ADCY5: variants seen among roughly 807,000 people sequenced by gnomAD.
ADCY5 encodes adenylate cyclase type 5.
ADCY5 carries 30 observed loss-of-function variants against 119.7 expected under a neutral mutation model. The ratio of observed to expected loss-of-function variants is 0.25; its 90% CI spans 0.19 to 0.34. The LOEUF (loss-of-function observed/expected upper bound fraction) is 0.34, where lower values mean the gene tolerates loss of function less well. Among genes scored for constraint, ADCY5 ranks in the 10% least tolerant of loss-of-function variants. The pLI is 1.00. For missense variants in ADCY5, 1,324 were observed against 1,775.2 expected (o/e 0.75, Z 4.57); for synonymous variants, 753 against 762.2 (o/e 0.99, Z 0.20).
chr3:123,438,399 G>A (rs568101917), intron 1 of ADCY5, among the ~76,000 whole-genome samples: 2 of 152,140 alleles, frequency 1.3e-5, no homozygotes, highest in East Asian at 1.9e-4. Context: ...TTTGCTTTCC[G>A]CGGTTTCAGT....
At chr3:123,423,958 T>G (rs1438742781) in intron 1 of ADCY5, among the ~76,000 whole-genome samples, 1 of 152,208 alleles carries the variant, frequency 6.6e-6, no homozygotes, top group Non-Finnish European at 1.5e-5. Context: ...TTGGGCAGCC[T>G]ATGGCAGAAG....
chr3:123,391,378 C>T (rs730521), intron 1 of ADCY5, among the ~76,000 whole-genome samples: 9,831 of 152,152 alleles, frequency 0.065, 779 homozygotes, highest in East Asian at 0.25. Flanking sequence ...GTGCAGGGGA[C>T]GGCAAGTGCA....
intron 16 of ADCY5, chr3:123,297,148 G>A: frequency 1.4e-6 from 2 of 1,399,192 alleles, no homozygotes; most frequent in Middle Eastern, 1.8e-4. Flanking sequence ...AGATCACCTT[G>A]GCAGGGATCA....
chr3:123,423,221 C>T (rs777804071), intron 1 of ADCY5, among the ~76,000 whole-genome samples: 19 of 152,196 alleles, frequency 1.2e-4, no homozygotes, highest in Non-Finnish European at 2.4e-4. Context: ...CTCATGCCCA[C>T]GCTGGGCACG....
Position 123,331,091 on chromosome 3 carries a change from A to C in ADCY5, c.1519-75T>G, listed in dbSNP as rs6806529. On this transcript the variant is annotated intron_variant, in intron 4 of 20. Transcript: ENST00000462833. ...GGGAGGGAAAGAAACGAGAAGCAAA[A>C]AGATTCACCCCGTGCCTGGAATAAC... The C allele has an allele frequency of 0.59, 884,296 of 1,502,588 alleles. 264,806 individuals are homozygous for C. Among genetic ancestry groups the C allele is most frequent in the East Asian group, 0.97 (41,476 of 42,782 alleles). The allele number at this position is 1,502,588 out of a possible 1,614,324, so 93.1% of individuals were successfully genotyped here. A position where few individuals can be genotyped will look rare whatever the true frequency, so the allele number is the denominator to read the frequency against.
intron 1 of ADCY5, among the ~76,000 whole-genome samples, chr3:123,429,870 C>A (rs896814452): frequency 6.6e-6 from 1 of 152,206 alleles, no homozygotes; most frequent in Non-Finnish European, 1.5e-5. Flanking sequence ...CACGTCCAAC[C>A]CCAACTGTTC....
At chr3:123,324,106 G>A (rs1559805952) in intron 8 of ADCY5, among the ~76,000 whole-genome samples, 1 of 152,122 alleles carries the variant, frequency 6.6e-6, no homozygotes, top group Non-Finnish European at 1.5e-5. Context: ...GGGCCAAGAG[G>A]TGTCTCTACT....
intron 12 of ADCY5, 116 bp from the exon 13 acceptor site, chr3:123,304,299 G>A: frequency 1.4e-6 from 1 of 711,758 alleles, no homozygotes; most frequent in Non-Finnish European, 2.5e-6. Flanking sequence ...TCCCCAGCAT[G>A]ACCCCTGGGC....
chr3:123,419,251 A>C lies in ADCY5; in HGVS notation c.1134+28161T>G, dbSNP rs539116671. 1.1e-4 allele frequency: 111 copies of C among 980,872 alleles called. No homozygotes were observed. In the African/African-American group the frequency reaches 1.8e-3, roughly 16 times the overall value. 60.8% of individuals were successfully genotyped at this position (980,872 alleles called of 1,614,324 possible). A position where few individuals can be genotyped will look rare whatever the true frequency, so the allele number is the denominator to read the frequency against. On this transcript the variant is annotated intron_variant, in intron 1 of 20. Coordinates refer to ENST00000462833, the MANE Select transcript of ADCY5 (RefSeq NM_183357.3). ...GGTGGCACTCAAGGCCCTCCCCTCC[A>C]CGCGCCCCCACAGGCCAGGGAAGTG... is the stretch of plus-strand genomic sequence containing the variant.
chr3:123,283,975 G>C lies in ADCY5; in HGVS notation c.*633C>G, dbSNP rs1166814154. The C allele has an allele frequency of 6.6e-6, 1 of 152,204 alleles. No homozygotes were observed. Among genetic ancestry groups the C allele is most frequent in the Non-Finnish European group, 1.5e-5 (1 of 68,066 alleles). The allele number at this position is 152,204 out of a possible 1,614,324, so 9.4% of individuals were successfully genotyped here. A position where few individuals can be genotyped will look rare whatever the true frequency, so the allele number is the denominator to read the frequency against. Reference sequence around the variant, plus strand: ...TTTTATTTAATAAATATTTTTCTCAGAATCACCACTCCTTGCTTGGCGTCC... The same window carrying C: ...TTTTATTTAATAAATATTTTTCTCACAATCACCACTCCTTGCTTGGCGTCC... On this transcript the variant is annotated 3_prime_UTR_variant, in exon 21 of 21. Transcript: ENST00000462833.
At chr3:123,306,403 G>A (rs1267213261) in intron 12 of ADCY5, among the ~76,000 whole-genome samples, 1 of 152,136 alleles carries the variant, frequency 6.6e-6, no homozygotes, top group Non-Finnish European at 1.5e-5. Flanking sequence ...AAACTTAAAT[G>A]TAAAAGCCAA....
At chr3:123,413,826 A>T (rs983483466) in intron 1 of ADCY5, among the ~76,000 whole-genome samples, 1 of 152,000 alleles carries the variant, frequency 6.6e-6, no homozygotes, top group African/African-American at 2.4e-5. Flanking sequence ...TCCCTGAAGG[A>T]GCAAATGGCA....
chr3:123,285,087 C>A (rs1416211465), intron 20 of ADCY5, among the ~76,000 whole-genome samples: 2 of 152,196 alleles, frequency 1.3e-5, no homozygotes, highest in African/African-American at 4.8e-5. Flanking sequence ...GCTTTCAAAG[C>A]CATCTGACCT....
intron 1 of ADCY5, among the ~76,000 whole-genome samples, chr3:123,371,939 A>G (rs1943657392): frequency 6.6e-6 from 1 of 152,170 alleles, no homozygotes. Context: ...TGGGCAGGCG[A>G]AGTCCCTGGG....
At chr3:123,285,388 G>A (rs546994954) in intron 20 of ADCY5, among the ~76,000 whole-genome samples, 2 of 152,304 alleles carry the variant, frequency 1.3e-5, no homozygotes, top group South Asian at 2.1e-4. Context: ...AGAGCTCACC[G>A]ATGGCCTCAC....
intron 3 of ADCY5, among the ~76,000 whole-genome samples, chr3:123,335,201 C>T (rs1227361370): frequency 6.6e-6 from 1 of 152,160 alleles, no homozygotes; most frequent in Non-Finnish European, 1.5e-5. Flanking sequence ...AAGCACTTGC[C>T]TTGCTACCCT....
At chr3:123,385,215 G>C (rs1238826382) in intron 1 of ADCY5, among the ~76,000 whole-genome samples, 1 of 152,044 alleles carries the variant, frequency 6.6e-6, no homozygotes. Context: ...CCTGGAGCCA[G>C]AACCACACAT....
Position 123,283,731 on chromosome 3 carries a change from G to A in ADCY5, c.*877C>T, listed in dbSNP as rs1199955762. On this transcript the variant is annotated 3_prime_UTR_variant, in exon 21 of 21. Transcript: ENST00000462833. ...TACAAATGAGCACACCCGCCCTGCT[G>A]TGCACAGCTGTTTTCTAATATAGAG... The A allele has an allele frequency of 1.3e-5, 2 of 152,124 alleles. No homozygotes were observed. The highest frequency in any genetic ancestry group is 2.4e-5 in the African/African-American group (1 of 41,420). The allele number at this position is 152,124 out of a possible 1,614,324, so 9.4% of individuals were successfully genotyped here.
chr3:123,420,324 C>T (rs1945277120), intron 1 of ADCY5: 1 of 152,272 alleles, frequency 6.6e-6, no homozygotes, highest in Non-Finnish European at 1.5e-5. Flanking sequence ...GCTTAGAGAT[C>T]ACAGTTAAGC....
Sources: allele counts gnomAD v4.1 joint callset (sites outside exome capture counted in the v4.1 genomes callset), GRCh38; gene constraint gnomAD v4.1.1; transcripts MANE v1.5; gene names NCBI Gene and HGNC (gene_info 2026-07-23, HGNC 2026-07-21).